The following TTC39B variants were observed in gnomAD, a reference collection of about 807,000 sequenced individuals.
TTC39B encodes the protein tetratricopeptide repeat domain 39B, also known as tetratricopeptide repeat protein 39B.
A neutral mutation model predicts 96.6 loss-of-function variants in TTC39B; 92 were observed. That is an observed-to-expected ratio of 0.95 (90% CI 0.80 to 1.13). TTC39B has a LOEUF of 1.13. Among genes scored for constraint, TTC39B ranks in the 50% most tolerant of loss-of-function variants. The pLI is 0.00. For missense variants in TTC39B, 955 were observed against 809.3 expected, an observed-to-expected ratio of 1.18 and a Z score of -2.18; for synonymous variants, 367 against 299.4, an observed-to-expected ratio of 1.23 and a Z score of -2.33.
At chr9:15,219,101 A>C in intron 3 of TTC39B, among the ~76,000 whole-genome samples, 1 of 152,228 alleles carries the variant, frequency 6.6e-6, no homozygotes, top group Non-Finnish European at 1.5e-5. Context: ...ATTTTAAATA[A>C]GAACAAAGGA....
At chr9:15,171,120 G>C (rs770675645) in exon 20 of TTC39B, 1 of 152,176 alleles carries the variant, frequency 6.6e-6, no homozygotes, top group Non-Finnish European at 1.5e-5. Context: ...GCAAGGTCCA[G>C]ATTATCTACA....
rs1173471199 is a variant in TTC39B at position 15,185,541 on chromosome 9, C to T, written c.1488-135G>A. Reference sequence around the variant, plus strand: ...ATCACCTGGGAACCTATTTGAAATGCCAATTTTCAGGCCCTACTCTAGACC... The same window carrying T: ...ATCACCTGGGAACCTATTTGAAATGTCAATTTTCAGGCCCTACTCTAGACC... On this transcript the variant is annotated intron_variant, in intron 15 of 19. Coordinates refer to ENST00000512701, the Ensembl canonical transcript of TTC39B. 5.7e-6 allele frequency: 8 copies of T among 1,405,150 alleles called. No homozygotes were observed. In the Admixed American group the frequency reaches 8.9e-5, roughly 16 times the overall value. The allele number at this position is 1,405,150 out of a possible 1,614,324, so 87.0% of individuals were successfully genotyped here.
intron 1 of TTC39B, among the ~76,000 whole-genome samples, chr9:15,288,480 A>T (rs2131597767): frequency 6.6e-6 from 1 of 152,274 alleles, no homozygotes; most frequent in South Asian, 2.1e-4. Flanking sequence ...GGATGGTTGG[A>T]GAGGAGATTG....
chr9:15,258,615 C>T (rs2131528218), intron 2 of TTC39B, among the ~76,000 whole-genome samples: 1 of 152,254 alleles, frequency 6.6e-6, no homozygotes, highest in East Asian at 1.9e-4. Context: ...AGAGCAAAGT[C>T]CTGGCTTTCA....
At chr9:15,213,884 AACT>A (rs1228925064) in intron 4 of TTC39B, among the ~76,000 whole-genome samples, 1 of 152,228 alleles carries the variant, frequency 6.6e-6, no homozygotes, top group East Asian at 1.9e-4. Context: ...AGCCTTATAA[AACT>A]ACTTATAAGA....
chr9:15,214,100 C>A (rs779162073), intron 4 of TTC39B, 39 bp downstream of exon 4: 20 of 1,459,158 alleles, frequency 1.4e-5, no homozygotes, highest in Non-Finnish European at 1.9e-5. Flanking sequence ...TCAGAAACAT[C>A]TGAAAGATAT....
intron 1 of TTC39B, among the ~76,000 whole-genome samples, chr9:15,284,372 T>C (rs1823877757): frequency 6.6e-6 from 1 of 152,226 alleles, no homozygotes. Flanking sequence ...ACAGCAATAC[T>C]ACTTCCAGGA....
chr9:15,227,308 C>CA (rs199578209), intron 2 of TTC39B, among the ~76,000 whole-genome samples: 6,586 of 123,114 alleles, frequency 0.053, 451 homozygotes, highest in African/African-American at 0.18. Flanking sequence ...AACTCCATCT[C>CA]AAAAAAAAAA....
intron 2 of TTC39B, among the ~76,000 whole-genome samples, chr9:15,239,650 T>G (rs1821949977): frequency 6.6e-6 from 1 of 152,160 alleles, no homozygotes; most frequent in Non-Finnish European, 1.5e-5. Flanking sequence ...CTAGATGAAA[T>G]AAGTCAGAAG....
At chr9:15,273,701 C>T (rs1823438662) in intron 1 of TTC39B, among the ~76,000 whole-genome samples, 1 of 152,200 alleles carries the variant, frequency 6.6e-6, no homozygotes, top group Non-Finnish European at 1.5e-5. Context: ...GGCCCCTTCT[C>T]ACTGGAGCTT....
intron 6 of TTC39B, among the ~76,000 whole-genome samples, chr9:15,206,261 A>C (rs970006667): frequency 6.6e-6 from 1 of 151,970 alleles, no homozygotes; most frequent in Non-Finnish European, 1.5e-5. Context: ...AAGAGAAAAG[A>C]ACTAGTATGT....
chr9:15,215,166 G>C (rs1328482235), intron 3 of TTC39B, among the ~76,000 whole-genome samples: 1 of 152,140 alleles, frequency 6.6e-6, no homozygotes, highest in Non-Finnish European at 1.5e-5. Context: ...GTGGGAGGAT[G>C]CTTGAGCTCA....
intron 2 of TTC39B, among the ~76,000 whole-genome samples, chr9:15,254,111 G>T (rs566180602): frequency 6.6e-6 from 1 of 151,596 alleles, no homozygotes; most frequent in South Asian, 2.1e-4. Flanking sequence ...TAAAGGATGT[G>T]TTCAATAAAG....
intron 1 of TTC39B, among the ~76,000 whole-genome samples, chr9:15,292,860 A>C (rs1289090004): frequency 2.0e-5 from 3 of 152,226 alleles, no homozygotes; most frequent in African/African-American, 7.2e-5. Flanking sequence ...AGTTTTAAAG[A>C]ATTTAAAAGT....
At chr9:15,163,976 C>G (rs1817475550) in exon 20 of TTC39B, 1 of 152,118 alleles carries the variant, frequency 6.6e-6, no homozygotes, top group South Asian at 2.1e-4. Context: ...CAAGAGAACA[C>G]TCATTGGGAA....
chr9:15,289,719 T>C (rs1824113126), intron 1 of TTC39B, among the ~76,000 whole-genome samples: 1 of 152,250 alleles, frequency 6.6e-6, no homozygotes. Context: ...GATCCAGTGA[T>C]ATTTCCTTTT....
chr9:15,174,633 C>T (rs1187883041), intron 19 of TTC39B, among the ~76,000 whole-genome samples: 1 of 152,186 alleles, frequency 6.6e-6, no homozygotes, highest in Non-Finnish European at 1.5e-5. Flanking sequence ...CATCTGTTTA[C>T]ATATTACCTT....
At chr9:15,285,509 T>C (rs963826893) in intron 1 of TTC39B, among the ~76,000 whole-genome samples, 1 of 152,200 alleles carries the variant, frequency 6.6e-6, no homozygotes, top group Admixed American at 6.5e-5. Flanking sequence ...ATGTACCGTA[T>C]AAATGTATAC....
intron 6 of TTC39B, among the ~76,000 whole-genome samples, chr9:15,206,914 G>A (rs1819892782): frequency 6.6e-6 from 1 of 152,080 alleles, no homozygotes; most frequent in African/African-American, 2.4e-5. Context: ...TCAAGGGTGG[G>A]AACTGGTGGG....
Sources: gnomAD v4.1 joint callset for allele counts (sites outside exome capture counted in the v4.1 genomes callset) on GRCh38, gnomAD v4.1.1 for gene constraint, MANE v1.5 for transcripts, NCBI Gene and HGNC (gene_info 2026-07-23, HGNC 2026-07-21) for gene names.